ASZ1: variants seen among roughly 807,000 people sequenced by gnomAD.
ASZ1 encodes the protein ankyrin repeat, SAM and basic leucine zipper domain containing 1.
In ASZ1, 67 loss-of-function variants were observed where a neutral mutation model predicts 61.8. That is an observed-to-expected ratio of 1.08 (90% CI 0.89 to 1.33). ASZ1 has a LOEUF of 1.33. Among genes scored for constraint, ASZ1 ranks in the 40% most tolerant of loss-of-function variants. ASZ1 has a pLI of 0.00. For synonymous variants in ASZ1, 193 were observed against 192.7 expected, an observed-to-expected ratio of 1.00 and a Z score of -0.01; for missense variants, 577 against 554.5, an observed-to-expected ratio of 1.04 and a Z score of -0.41.
At chr7:117,408,308 G>A (rs994763991) in intron 4 of ASZ1, among the ~76,000 whole-genome samples, 1 of 152,008 alleles carries the variant, frequency 6.6e-6, no homozygotes, top group African/African-American at 2.4e-5. Flanking sequence ...AGGAACCAGT[G>A]GTTAAGACCA....
At chr7:117,393,378 T>C (rs1796510716) in intron 4 of ASZ1, among the ~76,000 whole-genome samples, 2 of 152,168 alleles carry the variant, frequency 1.3e-5, no homozygotes, top group African/African-American at 4.8e-5. Context: ...TTATTCCTTT[T>C]TTTAGTTCTA....
intron 4 of ASZ1, among the ~76,000 whole-genome samples, chr7:117,407,069 G>A (rs962431656): frequency 1.1e-4 from 16 of 152,018 alleles, no homozygotes; most frequent in African/African-American, 1.2e-4. Flanking sequence ...ACACCGATCA[G>A]TGTGCACATT....
intron 2 of ASZ1, among the ~76,000 whole-genome samples, chr7:117,425,108 G>A (rs1418439473): frequency 1.3e-5 from 2 of 152,094 alleles, no homozygotes; most frequent in Non-Finnish European, 2.9e-5. Context: ...AGTAAACTAT[G>A]CATTGATTCT....
At chr7:117,383,172 AG>A (rs1201569431) in intron 6 of ASZ1, 62 bp from the exon 7 acceptor site, 1 of 1,397,914 alleles carries the variant, frequency 7.2e-7, no homozygotes, top group African/African-American at 1.5e-5. Context: ...TACACTTAAA[AG>A]AAACTGAACA....
intron 4 of ASZ1, among the ~76,000 whole-genome samples, chr7:117,403,986 T>C (rs1796730508): frequency 6.6e-6 from 1 of 152,108 alleles, no homozygotes. Flanking sequence ...CGATCTGAGG[T>C]GAACAGTTTC....
At chr7:117,368,184 CCCAAA>C in intron 11 of ASZ1, 12 of 897,486 alleles carry the variant, frequency 1.3e-5, no homozygotes, top group Non-Finnish European at 1.6e-5. Context: ...ACGTGGGCCT[CCCAAA>C]GTGTTGGGAT....
chr7:117,382,245 C>T (rs570809693), intron 7 of ASZ1, 101 bp from the exon 8 acceptor site: 1 of 762,408 alleles, frequency 1.3e-6, no homozygotes, highest in African/African-American at 1.8e-5. Context: ...ATAATGAATT[C>T]ATGTAGAATA....
chr7:117,365,225 T>G (rs893475540), intron 12 of ASZ1, among the ~76,000 whole-genome samples: 1 of 152,208 alleles, frequency 6.6e-6, no homozygotes, highest in Non-Finnish European at 1.5e-5. Flanking sequence ...TTTGCCATTA[T>G]TATAAACTAA....
intron 10 of ASZ1, among the ~76,000 whole-genome samples, chr7:117,378,649 C>T (rs951818183): frequency 2.6e-5 from 4 of 151,964 alleles, no homozygotes; most frequent in African/African-American, 2.4e-5. Context: ...ATGCAACCAC[C>T]GTACAACCTA....
chr7:117,424,289 T>C (rs1178536496), intron 2 of ASZ1, among the ~76,000 whole-genome samples: 2 of 152,286 alleles, frequency 1.3e-5, no homozygotes, highest in East Asian at 3.9e-4. Flanking sequence ...GAGTTTCCAA[T>C]TGGTGCAGAA....
At chr7:117,408,139 C>G (rs987241255) in intron 4 of ASZ1, among the ~76,000 whole-genome samples, 1 of 152,152 alleles carries the variant, frequency 6.6e-6, no homozygotes, top group African/African-American at 2.4e-5. Context: ...TCTCTCCTCT[C>G]TCTGTGGAGG....
intron 4 of ASZ1, among the ~76,000 whole-genome samples, chr7:117,401,764 GAA>G (rs1796686131): frequency 6.6e-6 from 1 of 152,140 alleles, no homozygotes; most frequent in African/African-American, 2.4e-5. Context: ...TGCATTCCAA[GAA>G]ATGGGCCAGG....
At chr7:117,402,532 C>T (rs547427456) in intron 4 of ASZ1, among the ~76,000 whole-genome samples, 18 of 152,252 alleles carry the variant, frequency 1.2e-4, no homozygotes, top group African/African-American at 4.3e-4. Context: ...GTCCAATTCA[C>T]AAGGTTGTCC....
chr7:117,367,517 A>G, intron 11 of ASZ1, 52 bp from the exon 12 acceptor site: 1 of 1,315,194 alleles, frequency 7.6e-7, no homozygotes, highest in Non-Finnish European at 9.8e-7. Flanking sequence ...AACTTTCTAC[A>G]ACTTTATATC....
Position 117,420,211 on chromosome 7 carries a change from C to T in ASZ1, c.392G>A (p.Cys131Tyr). The T allele has an allele frequency of 1.2e-6, 2 of 1,612,574 alleles. No homozygotes were observed. The highest frequency in any genetic ancestry group is 1.7e-6 in the Non-Finnish European group (2 of 1,179,648). ...ATTTCTTGAAAGTAGTAGTTCTACA[C>T]ACTTCAAGATCTGTTCCTCTGAGCC... is the stretch of plus-strand genomic sequence containing the variant. Reference protein sequence around the residue: ...AHGSEEQILKCVELLLSRNAD... With the variant: ...AHGSEEQILKYVELLLSRNAD... Residue 131 changes from cysteine (C) to tyrosine (Y), a missense_variant, in exon 4 of 13, where the codon TGT becomes TAT. Coordinates refer to ENST00000284629, the MANE Select transcript of ASZ1 (RefSeq NM_130768.3).
intron 4 of ASZ1, among the ~76,000 whole-genome samples, chr7:117,397,220 C>A (rs992934810): frequency 6.6e-6 from 1 of 151,332 alleles, no homozygotes; most frequent in Non-Finnish European, 1.5e-5. Flanking sequence ...CGAACTGAAC[C>A]GAACCGAACC....
intron 6 of ASZ1, among the ~76,000 whole-genome samples, chr7:117,383,941 C>T (rs867619531): frequency 6.6e-6 from 1 of 151,886 alleles, no homozygotes; most frequent in African/African-American, 2.4e-5. Context: ...AAAATGATAG[C>T]CATGTTTATC....
chr7:117,372,136 A>T (rs987874972), intron 10 of ASZ1, among the ~76,000 whole-genome samples: 1 of 152,104 alleles, frequency 6.6e-6, no homozygotes, highest in African/African-American at 2.4e-5. Context: ...GGCAGGCCTG[A>T]TAACTTTGTG....
At chr7:117,395,762 C>T (rs893316761) in intron 4 of ASZ1, among the ~76,000 whole-genome samples, 3 of 152,066 alleles carry the variant, frequency 2.0e-5, no homozygotes, top group African/African-American at 7.2e-5. Flanking sequence ...TGATTTTGTT[C>T]TCCTTTTCCT....
Sources: gnomAD v4.1 joint callset for allele counts (sites outside exome capture counted in the v4.1 genomes callset) on GRCh38, gnomAD v4.1.1 for gene constraint, MANE v1.5 for transcripts, NCBI Gene and HGNC (gene_info 2026-07-23, HGNC 2026-07-21) for gene names.